C1orf216: variants seen among roughly 807,000 people sequenced by gnomAD.
C1orf216 encodes chromosome 1 open reading frame 216, also known as UPF0500 protein C1orf216.
Under a neutral mutation model 16.4 loss-of-function variants are expected in C1orf216, and 18 were observed. That is an observed-to-expected ratio of 1.10 (90% CI 0.76 to 1.63). C1orf216 has a LOEUF of 1.63. Ranked by LOEUF, C1orf216 falls within the 40% of genes most tolerant of loss-of-function variation. The pLI is 0.00. For synonymous variants in C1orf216, 115 were observed against 116.9 expected (o/e 0.98, Z 0.11); for missense variants, 271 against 297.6 (o/e 0.91, Z 0.66).
intron 1 of C1orf216, 59 bp from the exon 2 acceptor site, chr1:35,716,385 A>C (rs1201945169): frequency 6.9e-7 from 1 of 1,439,284 alleles, no homozygotes; most frequent in Non-Finnish European, 9.4e-7. Context: ...GCCTGAAGTC[A>C]GGGCAACTTA....
rs1381257558 is a variant in C1orf216, at chr1:35,714,417, A to G, written c.*1215T>C. 6.6e-6 allele frequency: 1 copy of G among 152,226 alleles called. No individual in the cohort carries two copies. Among genetic ancestry groups the G allele is most frequent in the Non-Finnish European group, 1.5e-5 (1 of 68,072 alleles). 9.4% of individuals were successfully genotyped at this position (152,226 alleles called of 1,614,324 possible). A position where few individuals can be genotyped will look rare whatever the true frequency, so the allele number is the denominator to read the frequency against. ...CGACTTCAGAGAAATGAACCAAACCAATTCAACATCCAATGCTGCTAAAGC... is the reference window on the plus strand; with the variant it reads ...CGACTTCAGAGAAATGAACCAAACCGATTCAACATCCAATGCTGCTAAAGC... On this transcript the variant is annotated 3_prime_UTR_variant, in exon 2 of 2. Coordinates refer to ENST00000270815, the MANE Select transcript of C1orf216 (RefSeq NM_152374.2).
rs1640995211 is a variant in C1orf216, at chr1:35,718,741, T to TGGCTCC, written c.-46_-41dup. The TGGCTCC allele has an allele frequency of 6.6e-6, 1 of 152,438 alleles. No homozygotes were observed. The allele number at this position is 152,438 out of a possible 1,614,324, so 9.4% of individuals were successfully genotyped here. A position where few individuals can be genotyped will look rare whatever the true frequency, so the allele number is the denominator to read the frequency against. On this transcript the variant is annotated 5_prime_UTR_variant, in exon 1 of 2. Transcript: ENST00000270815. ...GCGCCCGCTCCGGCGCGTCTGGCTC[T>TGGCTCC]GGCTCCGCCCGGCCCTGGTGGTGTC...
rs1032347491 is a variant in C1orf216, at chr1:35,714,234, C to A, written c.*1398G>T. ...AGTCGTTGGTTCTCTCCAAGACTCA[C>A]CCACTCTGTAACTCGCGGAGCCTGC... On this transcript the variant is annotated 3_prime_UTR_variant, in exon 2 of 2. Coordinates refer to ENST00000270815, the MANE Select transcript of C1orf216 (RefSeq NM_152374.2). 2.6e-5 allele frequency: 4 copies of A among 152,236 alleles called. No individual in the cohort carries two copies. The highest frequency in any genetic ancestry group is 9.6e-5 in the African/African-American group (4 of 41,462). 9.4% of individuals were successfully genotyped at this position (152,236 alleles called of 1,614,324 possible).
At chr1:35,718,611 T>C (rs755195270) in intron 1 of C1orf216, 96 bp downstream of exon 1, 5 of 152,314 alleles carry the variant, frequency 3.3e-5, no homozygotes, top group Middle Eastern at 6.8e-3. Context: ...GAGACCATCC[T>C]TCCCTAGTCT....
In C1orf216 at chr1:35,716,284, T is replaced by G; in HGVS notation, c.38A>C (p.Gln13Pro). The change falls in exon 2 of 2, where the codon CAA becomes CCA. Residue 13 changes from glutamine to proline, a missense_variant. By Grantham distance (76) the Gln-to-Pro change is moderately conservative (BLOSUM62 -1). Transcript: ENST00000270815. ...AIQPGLAEGG[Q>P]FLGDPPPGLC... ...TCCAGGAGGTGGGTCCCCCAGGAAT[T>G]GGCCCCCCTCAGCTAGCCCTGGCTG... 6.2e-7 allele frequency: 1 copy of G among 1,614,086 alleles called. No homozygotes were observed. The highest frequency in any genetic ancestry group is 8.5e-7 in the Non-Finnish European group (1 of 1,179,942).
rs1640998998 is a variant in C1orf216, at chr1:35,718,862, CT to C, written c.-162del. 6.6e-6 allele frequency: 1 copy of C among 152,274 alleles called. No homozygotes were observed. Among genetic ancestry groups the C allele is most frequent in the Non-Finnish European group, 1.5e-5 (1 of 68,078 alleles). The allele number at this position is 152,274 out of a possible 1,614,324, so 9.4% of individuals were successfully genotyped here. ...CAGCGCGCCCAGCCCCAGTCCCGGA[CT>C]GCGGAGTCAGGCGGCGTCTGCGCAG... On this transcript the variant is annotated 5_prime_UTR_variant, in exon 1 of 2. Coordinates refer to ENST00000270815, the MANE Select transcript of C1orf216 (RefSeq NM_152374.2).
intron 1 of C1orf216, among the ~76,000 whole-genome samples, chr1:35,718,325 G>T (rs916304180): frequency 6.6e-6 from 1 of 152,156 alleles, no homozygotes; most frequent in Non-Finnish European, 1.5e-5. Flanking sequence ...AAGTCCTGGG[G>T]AGAAGGGTGT....
intron 1 of C1orf216, among the ~76,000 whole-genome samples, chr1:35,717,207 C>T (rs770214970): frequency 2.6e-5 from 4 of 152,098 alleles, no homozygotes; most frequent in Admixed American, 1.3e-4. Flanking sequence ...GGCCTTTTCA[C>T]TGATCTCTCT....
chr1:35,717,594 C>A (rs1327540285), intron 1 of C1orf216, among the ~76,000 whole-genome samples: 1 of 152,130 alleles, frequency 6.6e-6, no homozygotes, highest in Non-Finnish European at 1.5e-5. Flanking sequence ...TAAACAAGCA[C>A]GGTTAGTTAT....
rs1409868340 is a variant in C1orf216 at position 35,715,641 on chromosome 1, G to A, written c.681C>T (p.Asp227=). 2.5e-6 allele frequency: 4 copies of A among 1,612,576 alleles called. No individual in the cohort carries two copies. The highest frequency in any genetic ancestry group is 2.2e-5 in the East Asian group (1 of 44,864). ...TTGTGGAGGCACACCCTTAGGCCTGGTCCTGGGGCCTGGATGGTGCTGCCC... is the reference window on the plus strand; with the variant it reads ...TTGTGGAGGCACACCCTTAGGCCTGATCCTGGGGCCTGGATGGTGCTGCCC... ...QQRAAPSRPQ[D]QA The change falls in exon 2 of 2, where the codon GAC becomes GAT. Residue 227 remains aspartate (D), a synonymous_variant. Coordinates refer to ENST00000270815, the MANE Select transcript of C1orf216 (RefSeq NM_152374.2). This position sits in a 1 kb window ranked among gnomAD's most constrained non-coding sequence, Gnocchi z 4.3.
chr1:35,716,304 T>G lies in C1orf216; in HGVS notation c.18A>C (p.Pro6=). Reference sequence around the variant, plus strand: ...GGAATTGGCCCCCCTCAGCTAGCCCTGGCTGGATGGCGAACATCTAGCCTG... The same window carrying G: ...GGAATTGGCCCCCCTCAGCTAGCCCGGGCTGGATGGCGAACATCTAGCCTG... The part of the protein sequence containing the change: MFAIQ[P]GLAEGGQFLG... The change falls in exon 2 of 2, where the codon CCA becomes CCC. Residue 6 remains proline (P), a synonymous_variant. Transcript: ENST00000270815. 1 of 1,612,968 alleles carries G rather than the reference T, an allele frequency of 6.2e-7. No homozygotes were observed. The highest frequency in any genetic ancestry group is 8.5e-7 in the Non-Finnish European group (1 of 1,179,408).
chr1:35,715,606 C>T lies in C1orf216; in HGVS notation c.*26G>A. The T allele has an allele frequency of 2.5e-6, 4 of 1,586,194 alleles. No homozygotes were observed. The highest frequency in any genetic ancestry group is 3.4e-6 in the Non-Finnish European group (4 of 1,164,748). Reference sequence around the variant, plus strand: ...CATGCCTGCAAATATATACATATACCCTTGCACACTTGTGGAGGCACACCC... The same window carrying T: ...CATGCCTGCAAATATATACATATACTCTTGCACACTTGTGGAGGCACACCC... On this transcript the variant is annotated 3_prime_UTR_variant, in exon 2 of 2. Transcript: ENST00000270815. The surrounding 1 kb of genome is among the most constrained non-coding windows in gnomAD (Gnocchi z 4.3).
chr1:35,716,476 C>T (rs1392860681), intron 1 of C1orf216, 150 bp from the exon 2 acceptor site: 4 of 675,770 alleles, frequency 5.9e-6, no homozygotes, highest in East Asian at 2.7e-5. Context: ...CACTTCCCTT[C>T]GTGGTTTTCG....
At position 35,715,406 on chromosome 1, in the gene C1orf216, A is replaced by C; in HGVS notation, c.*226T>G. ...TATGTTCACTCTTACATGCTCACAT[A>C]TAGGTCTGCAGATAAATTAGCTGTG... On this transcript the variant is annotated 3_prime_UTR_variant, in exon 2 of 2. Transcript: ENST00000270815. This position sits in a 1 kb window ranked among gnomAD's most constrained non-coding sequence, Gnocchi z 4.3. 1.7e-6 allele frequency: 1 copy of C among 580,364 alleles called. No individual in the cohort carries two copies. The highest frequency in any genetic ancestry group is 2.1e-5 in the South Asian group (1 of 47,524). 36.0% of individuals were successfully genotyped at this position (580,364 alleles called of 1,614,324 possible). A position where few individuals can be genotyped will look rare whatever the true frequency, so the allele number is the denominator to read the frequency against.
chr1:35,716,812 C>A, intron 1 of C1orf216: 1 of 158,636 alleles, frequency 6.3e-6, no homozygotes, highest in Non-Finnish European at 1.4e-5. Flanking sequence ...GACTGGCCAA[C>A]ATGGTGAAAC....
Position 35,716,291 on chromosome 1 carries a change from C to T in C1orf216, c.31G>A (p.Gly11Arg), listed in dbSNP as rs1480140099. The part of the protein sequence containing the change: MFAIQPGLAE[G>R]GQFLGDPPPG... ...GGTGGGTCCCCCAGGAATTGGCCCCCCTCAGCTAGCCCTGGCTGGATGGCG... is the reference window on the plus strand; with the variant it reads ...GGTGGGTCCCCCAGGAATTGGCCCCTCTCAGCTAGCCCTGGCTGGATGGCG... Residue 11 changes from glycine (G) to arginine (R), a missense_variant, in exon 2 of 2, where the codon GGG becomes AGG. Gly to Arg is a moderately radical substitution (Grantham distance 125). This residue lies in a region of C1orf216 where 44 missense variants were observed against 46.0 expected (regional missense o/e 0.96). Coordinates refer to ENST00000270815, the MANE Select transcript of C1orf216 (RefSeq NM_152374.2). The T allele has an allele frequency of 6.2e-7, 1 of 1,613,882 alleles. No homozygotes were observed. The highest frequency in any genetic ancestry group is 8.5e-7 in the Non-Finnish European group (1 of 1,179,844).
chr1:35,716,472 C>T (rs1640959290), intron 1 of C1orf216, 146 bp from the exon 2 acceptor site: 2 of 699,684 alleles, frequency 2.9e-6, no homozygotes, highest in Non-Finnish European at 4.7e-6. Flanking sequence ...GTAACACTTC[C>T]CTTCGTGGTT....
At position 35,715,431 on chromosome 1, in the gene C1orf216, G is replaced by C; in HGVS notation, c.*201C>G. 3.3e-6 allele frequency: 2 copies of C among 611,898 alleles called. No individual in the cohort carries two copies. Among genetic ancestry groups the C allele is most frequent in the Non-Finnish European group, 5.7e-6 (2 of 351,296 alleles). 37.9% of individuals were successfully genotyped at this position (611,898 alleles called of 1,614,324 possible). ...ATAGGTCTGCAGATAAATTAGCTGT[G>C]TGTACACATGTGCACACAGCACACT... On this transcript the variant is annotated 3_prime_UTR_variant, in exon 2 of 2. Coordinates refer to ENST00000270815, the MANE Select transcript of C1orf216 (RefSeq NM_152374.2). This position sits in a 1 kb window ranked among gnomAD's most constrained non-coding sequence, Gnocchi z 4.3.
Position 35,715,902 on chromosome 1 carries a change from G to T in C1orf216, c.420C>A (p.Pro140=). 2 of 1,614,212 alleles carry T rather than the reference G, an allele frequency of 1.2e-6. No homozygotes were observed. Among genetic ancestry groups the T allele is most frequent in the Non-Finnish European group, 1.7e-6 (2 of 1,180,042 alleles). ...ACGTPRGPGP[P]DPLLPSVAQA... ...GGGCCACTGAGGGCAGAAGGGGATCGGGAGGGCCAGGGCCTCGCGGGGTCC... is the reference window on the plus strand; with the variant it reads ...GGGCCACTGAGGGCAGAAGGGGATCTGGAGGGCCAGGGCCTCGCGGGGTCC... The change falls in exon 2 of 2, where the codon CCC becomes CCA. Residue 140 remains proline, a synonymous_variant. Transcript: ENST00000270815. The surrounding 1 kb of genome is among the most constrained non-coding windows in gnomAD (Gnocchi z 4.3).
Sources: gnomAD v4.1 joint callset for allele counts (sites outside exome capture counted in the v4.1 genomes callset) on GRCh38, gnomAD v4.1.1 for gene constraint, gnomAD v4.1.1 regional missense constraint, Gnocchi (gnomAD v3.1) non-coding constraint, MANE v1.5 for transcripts, NCBI Gene and HGNC (gene_info 2026-07-23, HGNC 2026-07-21) for gene names.